The following LARGE1 variants were observed in gnomAD, a reference collection of about 807,000 sequenced individuals.
The protein encoded by LARGE1 is xylosyl- and glucuronyltransferase LARGE1.
In LARGE1, 43 loss-of-function variants were observed where a neutral mutation model predicts 87.6. The ratio of observed to expected loss-of-function variants is 0.49; its 90% CI spans 0.38 to 0.63. The LOEUF is 0.63. LARGE1 is among the 30% of genes least tolerant of loss of function. The pLI, the probability that LARGE1 is intolerant of heterozygous loss-of-function variation, is 0.00. For missense variants in LARGE1, 802 were observed against 1,000.2 expected (o/e 0.80, Z 2.67); for synonymous variants, 434 against 394.6 (o/e 1.10, Z -1.18).
intron 11 of LARGE1, among the ~76,000 whole-genome samples, chr22:33,239,913 A>G (rs1398228118): frequency 6.6e-6 from 1 of 152,124 alleles, no homozygotes; most frequent in Non-Finnish European, 1.5e-5. Context: ...CACTAATCTT[A>G]TGTCAGTTAA....
At chr22:33,676,479 A>G (rs923350516) in intron 2 of LARGE1, among the ~76,000 whole-genome samples, 2 of 150,830 alleles carry the variant, frequency 1.3e-5, no homozygotes, top group African/African-American at 4.9e-5. Flanking sequence ...CAGACTTCTA[A>G]GTGAAAAGCC....
chr22:33,300,288 A>G (rs1933967595), intron 12 of LARGE1, among the ~76,000 whole-genome samples: 1 of 152,218 alleles, frequency 6.6e-6, no homozygotes, highest in Non-Finnish European at 1.5e-5. Context: ...TGAAGAACAG[A>G]GGTAATGACA....
intron 10 of LARGE1, among the ~76,000 whole-genome samples, chr22:33,336,728 C>A (rs1032313389): frequency 2.6e-5 from 4 of 152,098 alleles, no homozygotes; most frequent in African/African-American, 2.4e-5. Context: ...CCATGGGCAA[C>A]CTGCCTAATC....
intron 12 of LARGE1, among the ~76,000 whole-genome samples, chr22:33,294,368 G>A (rs562311258): frequency 6.6e-6 from 1 of 152,334 alleles, no homozygotes; most frequent in African/African-American, 2.4e-5. Flanking sequence ...ATGTCAGAGA[G>A]CCCACTGTTT....
At chr22:33,789,986 G>A (rs139792623) in intron 1 of LARGE1, among the ~76,000 whole-genome samples, 1 of 152,114 alleles carries the variant, frequency 6.6e-6, no homozygotes, top group South Asian at 2.1e-4. Flanking sequence ...GTTTTGAAAT[G>A]AGAGAACACG....
rs1021349326 is a variant in LARGE1, at chr22:33,548,098, G to A, written c.787+16750C>T. On this transcript the variant is annotated intron_variant, in intron 6 of 14. Transcript: ENST00000397394. ...CTCATGTTCAGTTGTGATCCCCAGC[G>A]TTGGAGGTAGGGCCTACTGGGAAGT... Among the ~76,000 whole-genome samples, 7 of 152,288 alleles carry A rather than the reference G, an allele frequency of 4.6e-5. No homozygotes were observed. The South Asian group carries it at 6.2e-4, about 14-fold the overall frequency.
Position 33,337,661 on chromosome 22 carries a change from A to G in LARGE1, c.1272T>C (p.Asp424=), listed in dbSNP as rs1467552697. The G allele has an allele frequency of 1.2e-6, 2 of 1,614,122 alleles. No homozygotes were observed. Among genetic ancestry groups the G allele is most frequent in the Non-Finnish European group, 1.7e-6 (2 of 1,180,034 alleles). Residue 424 remains aspartate (D), a synonymous_variant, in exon 10 of 15, where the codon GAT becomes GAC. Coordinates refer to ENST00000397394, the MANE Select transcript of LARGE1 (RefSeq NM_133642.5). ...AGCCACTTACGTTTTCACTGTTGAC[A>G]TCAGCCTCACTGGGGCAGCCAAACA... ...RELFGCPSEA[D]VNSENLQKQL... is the part of the protein sequence containing the mutation.
intron 10 of LARGE1, among the ~76,000 whole-genome samples, chr22:33,333,598 T>G (rs911186902): frequency 6.6e-6 from 1 of 152,240 alleles, no homozygotes; most frequent in Non-Finnish European, 1.5e-5. Flanking sequence ...CTTTACTTGG[T>G]GGTAATTCAT....
intron 11 of LARGE1, among the ~76,000 whole-genome samples, chr22:33,263,613 A>G (rs1927764941): frequency 1.3e-5 from 2 of 152,246 alleles, no homozygotes; most frequent in African/African-American, 4.8e-5. Flanking sequence ...GAACCACAGC[A>G]TGGCTGACAC....
intron 8 of LARGE1, among the ~76,000 whole-genome samples, chr22:33,382,645 A>T (rs2147119732): frequency 6.6e-6 from 1 of 152,242 alleles, no homozygotes; most frequent in South Asian, 2.1e-4. Context: ...CTCTTCTCCA[A>T]GCTGTTGCAC....
chr22:33,318,703 T>A (rs895983110), intron 10 of LARGE1, among the ~76,000 whole-genome samples: 4 of 152,028 alleles, frequency 2.6e-5, no homozygotes, highest in Non-Finnish European at 4.4e-5. Context: ...CATATGTAAC[T>A]AACCGGCACA....
At chr22:33,118,354 TGGTG>T in the LARGE1 span, among the ~76,000 whole-genome samples, 1 of 150,716 alleles carries the variant, frequency 6.6e-6, no homozygotes, top group Admixed American at 6.6e-5. Flanking sequence ...TAGCTGGGCA[TGGTG>T]GAATGCACCT....
intron 11 of LARGE1, among the ~76,000 whole-genome samples, chr22:33,171,940 C>T (rs577560905): frequency 7.9e-5 from 12 of 152,250 alleles, no homozygotes; most frequent in Non-Finnish European, 1.5e-4. Context: ...CCTGGAAACA[C>T]CACAGGCACT....
intron 6 of LARGE1, among the ~76,000 whole-genome samples, chr22:33,453,730 G>C (rs374344008): frequency 6.6e-6 from 1 of 152,128 alleles, no homozygotes; most frequent in Admixed American, 6.5e-5. Context: ...ACTCACCTAG[G>C]AACGGACTTT....
intron 1 of LARGE1, among the ~76,000 whole-genome samples, chr22:33,891,526 A>T (rs2065006938): frequency 6.6e-6 from 1 of 151,996 alleles, no homozygotes; most frequent in Admixed American, 6.5e-5. Context: ...ATGTTACTGC[A>T]TGACTTTAGC....
chr22:33,289,031 TCACTGCAAGCTCCGCCTCCCGGGTTCA>T (rs1229378329), intron 12 of LARGE1, among the ~76,000 whole-genome samples: 1 of 152,082 alleles, frequency 6.6e-6, no homozygotes, highest in East Asian at 1.9e-4. Flanking sequence ...CGATCTCGGC[TCACTGCAAGCTCCGCCTCCCGGGTTCA>T]CGCCATTCTC....
intron 2 of LARGE1, chr22:33,656,915 T>G (rs762763201): frequency 6.6e-6 from 1 of 152,198 alleles, no homozygotes; most frequent in South Asian, 2.1e-4. Context: ...GAAGGTAAAT[T>G]GAAAATCAAC....
intron 9 of LARGE1, among the ~76,000 whole-genome samples, chr22:33,341,525 T>C (rs1939140890): frequency 6.6e-6 from 1 of 152,090 alleles, no homozygotes; most frequent in African/African-American, 2.4e-5. Flanking sequence ...CAATGTGCAA[T>C]AGCAATACCC....
chr22:33,125,691 C>T, the LARGE1 span, among the ~76,000 whole-genome samples: 2 of 152,182 alleles, frequency 1.3e-5, no homozygotes, highest in East Asian at 1.9e-4. Flanking sequence ...GTGATCCACT[C>T]GACTTGGCCT....
Sources: gnomAD v4.1 joint callset for allele counts (sites outside exome capture counted in the v4.1 genomes callset) on GRCh38, gnomAD v4.1.1 for gene constraint, MANE v1.5 for transcripts, NCBI Gene and HGNC (gene_info 2026-07-23, HGNC 2026-07-21) for gene names.